Variants in UIMC1 observed in about 807,000 individuals in gnomAD.
UIMC1 encodes the protein ubiquitin interaction motif containing 1.
In UIMC1, 42 loss-of-function variants were observed where a neutral mutation model predicts 84.9. That is an observed-to-expected ratio of 0.49 (90% confidence interval 0.39 to 0.64). UIMC1 has a LOEUF of 0.64. Ranked by LOEUF, UIMC1 falls within the 30% of genes least tolerant of loss-of-function variation. UIMC1 has a pLI of 0.00. For synonymous variants in UIMC1, 281 were observed against 293.0 expected, an observed-to-expected ratio of 0.96 and a Z score of 0.42; for missense variants, 825 against 847.6, an observed-to-expected ratio of 0.97 and a Z score of 0.33.
chr5:176,920,216 C>T (rs1279239747), intron 10 of UIMC1, among the ~76,000 whole-genome samples: 4 of 151,692 alleles, frequency 2.6e-5, no homozygotes, highest in African/African-American at 7.3e-5. Flanking sequence ...TTAGTAGAGA[C>T]GGAGTTTCTC....
chr5:176,938,083 G>A (rs979536056), intron 10 of UIMC1, among the ~76,000 whole-genome samples: 26 of 151,442 alleles, frequency 1.7e-4, no homozygotes, highest in African/African-American at 5.8e-4. Context: ...CCAGCTACTC[G>A]GGAGGCTGAG....
At chr5:176,971,674 C>G (rs1035312625) in intron 3 of UIMC1, among the ~76,000 whole-genome samples, 3 of 151,838 alleles carry the variant, frequency 2.0e-5, no homozygotes, top group Non-Finnish European at 4.4e-5. Flanking sequence ...TGTGGGAGGC[C>G]AAGGTGGGAG....
At chr5:176,925,212 A>T (rs530685397) in intron 10 of UIMC1, among the ~76,000 whole-genome samples, 2 of 152,344 alleles carry the variant, frequency 1.3e-5, no homozygotes, top group South Asian at 4.1e-4. Context: ...CACTTTACAG[A>T]AGATACAAAA....
At chr5:176,982,989 A>C (rs2149506843) in intron 1 of UIMC1, among the ~76,000 whole-genome samples, 1 of 152,152 alleles carries the variant, frequency 6.6e-6, no homozygotes, top group South Asian at 2.1e-4. Context: ...ATGAGCCACC[A>C]CATCCAGCCT....
chr5:176,933,247 C>T (rs1763332889), intron 10 of UIMC1, among the ~76,000 whole-genome samples: 1 of 152,162 alleles, frequency 6.6e-6, no homozygotes, highest in Admixed American at 6.5e-5. Flanking sequence ...CTGAGGCAAA[C>T]TTCAGAGAAT....
Position 176,911,318 on chromosome 5 carries a change from T to A in UIMC1, c.1669A>T (p.Ile557Phe). Residue 557 changes from isoleucine (I) to phenylalanine (F), a missense_variant, in exon 11 of 15, where the codon ATT becomes TTT. Transcript: ENST00000511320. ...TGCAGCATACCTACTTACTTGTCAA[T>A]GTCTAGAGAAGTCTGGGCAGCTGTC... is the stretch of plus-strand genomic sequence containing the variant. The part of the protein sequence containing the change: ...SGTAAQTSLD[I>F]DKNEKCYLCK... The A allele has an allele frequency of 6.3e-7, 1 of 1,595,740 alleles. No homozygotes were observed. Among genetic ancestry groups the A allele is most frequent in the South Asian group, 1.1e-5 (1 of 87,348 alleles).
intron 1 of UIMC1, among the ~76,000 whole-genome samples, chr5:176,990,074 G>A (rs527593049): frequency 4.6e-5 from 7 of 152,100 alleles, no homozygotes; most frequent in East Asian, 3.9e-4. Flanking sequence ...CCAGCTACTC[G>A]GGAGGCTGAG....
At position 176,989,946 on chromosome 5, in the gene UIMC1, C is replaced by T. The variant is rs1216782705; in HGVS notation, c.-8-7323G>A. ...CTGTAATCCCAGCACTTTGGGAGGC[C>T]GAGGCAGGCAGATCATGAGGTCAGG... On this transcript the variant is annotated intron_variant, in intron 1 of 14. Transcript: ENST00000511320. Among the ~76,000 whole-genome samples, 4 of 151,988 alleles carry T rather than the reference C, an allele frequency of 2.6e-5. No individual in the cohort carries two copies. The East Asian group carries it at 5.8e-4, about 22-fold the overall frequency.
intron 11 of UIMC1, among the ~76,000 whole-genome samples, chr5:176,910,895 G>A (rs974115743): frequency 4.6e-5 from 7 of 152,088 alleles, no homozygotes; most frequent in African/African-American, 1.7e-4. Context: ...GTTCGAGACA[G>A]CCTGACCAAC....
At chr5:176,993,567 T>C (rs1009359443) in intron 1 of UIMC1, among the ~76,000 whole-genome samples, 1 of 152,178 alleles carries the variant, frequency 6.6e-6, no homozygotes. Flanking sequence ...CTGTACGTTC[T>C]GCACATGTAC....
intron 1 of UIMC1, among the ~76,000 whole-genome samples, chr5:176,988,130 C>CAAAAA (rs35059681): frequency 3.3e-5 from 3 of 90,190 alleles, no homozygotes; most frequent in African/African-American, 8.4e-5. Flanking sequence ...CGCCCCTGTC[C>CAAAAA]AAAAAAAAAA....
In UIMC1 at chr5:176,936,413, C is replaced by A. The variant is rs1230829688; in HGVS notation, c.1597+6922G>T. 2.0e-5 allele frequency among the ~76,000 whole-genome samples: 3 copies of A among 152,210 alleles called. No individual in the cohort carries two copies. In the South Asian group the frequency reaches 6.2e-4, roughly 31 times the overall value. ...TAGTGCCAAAAACAAAATATTGACTCTATTTTCCCAGCTTTCACCCTTGTC... is the reference window on the plus strand; with the variant it reads ...TAGTGCCAAAAACAAAATATTGACTATATTTTCCCAGCTTTCACCCTTGTC... On this transcript the variant is annotated intron_variant, in intron 10 of 14. Transcript: ENST00000511320.
intron 10 of UIMC1, among the ~76,000 whole-genome samples, chr5:176,917,102 C>T (rs1451608096): frequency 6.6e-6 from 1 of 152,154 alleles, no homozygotes; most frequent in Non-Finnish European, 1.5e-5. Flanking sequence ...TGGGAAGCCA[C>T]AGAGTTGTGT....
At chr5:176,972,881 A>C (rs1561856276) in intron 3 of UIMC1, among the ~76,000 whole-genome samples, 1 of 152,038 alleles carries the variant, frequency 6.6e-6, no homozygotes, top group Non-Finnish European at 1.5e-5. Context: ...ATAAGGGAAT[A>C]CTATGAATGA....
At chr5:176,986,070 A>AT (rs773605934) in intron 1 of UIMC1, among the ~76,000 whole-genome samples, 3,040 of 145,450 alleles carry the variant, frequency 0.021, 43 homozygotes, top group Non-Finnish European at 0.032. Context: ...TATGCAACGT[A>AT]TTTTTTTTTT....
intron 10 of UIMC1, among the ~76,000 whole-genome samples, chr5:176,941,507 T>A (rs892002970): frequency 1.3e-5 from 2 of 152,224 alleles, no homozygotes; most frequent in South Asian, 4.2e-4. Flanking sequence ...ACTTCCTTAT[T>A]TAATAACTAA....
chr5:177,022,596 A>G, exon 1 of UIMC1: 1 of 899,740 alleles, frequency 1.1e-6, no homozygotes, highest in East Asian at 3.2e-5. Flanking sequence ...AGCAAAGCAA[A>G]ATAAGCGCGG....
intron 10 of UIMC1, among the ~76,000 whole-genome samples, chr5:176,935,351 T>C (rs1292938820): frequency 1.3e-5 from 2 of 152,212 alleles, no homozygotes; most frequent in Non-Finnish European, 2.9e-5. Flanking sequence ...CAATCTCTAA[T>C]TGTATTTCCT....
In UIMC1 at chr5:176,961,150, G is replaced by A. The variant is rs1237679629; in HGVS notation, c.1201-2996C>T. Among the ~76,000 whole-genome samples the A allele has an allele frequency of 1.7e-4, 13 of 76,052 alleles. 1 individual carries two copies. The highest frequency in any genetic ancestry group is 3.4e-4 in the East Asian group (1 of 2,950). 49.9% of individuals were successfully genotyped at this position (76,052 alleles called of 152,430 possible). ...CTGCCCAGTCTGGGAAGTGAGGAGC[G>A]TCTCCGCCCGGCCGCCATCCCATCT... is the stretch of plus-strand genomic sequence containing the variant. On this transcript the variant is annotated intron_variant, in intron 6 of 14. Transcript: ENST00000511320.
Sources: allele counts gnomAD v4.1 joint callset (sites outside exome capture counted in the v4.1 genomes callset), GRCh38; gene constraint gnomAD v4.1.1; transcripts MANE v1.5; gene names NCBI Gene and HGNC (gene_info 2026-07-23, HGNC 2026-07-21).